MBD5: variants seen among roughly 807,000 people sequenced by gnomAD.
MBD5 encodes the protein methyl-CpG-binding domain protein 5.
A neutral mutation model predicts 117.3 loss-of-function variants in MBD5; 13 were observed. That is an observed-to-expected ratio of 0.11 (90% CI 0.07 to 0.18). MBD5 has a LOEUF of 0.18. Ranked by LOEUF, MBD5 falls within the 10% of genes least tolerant of loss-of-function variation. MBD5 has a pLI of 1.00. For missense variants in MBD5, 1,879 were observed against 2,093.8 expected (o/e 0.90, Z 2.00); for synonymous variants, 727 against 766.4 (o/e 0.95, Z 0.85).
intron 4 of MBD5, among the ~76,000 whole-genome samples, chr2:148,403,185 CT>C (rs35320980): frequency 0.74 from 106,629 of 144,452 alleles, 39,469 homozygotes; most frequent in African/African-American, 0.87. Flanking sequence ...TAATGTTCTT[CT>C]TTTTTTTTTT....
chr2:148,452,317 G>T (rs1203534893), intron 4 of MBD5, among the ~76,000 whole-genome samples: 4 of 152,012 alleles, frequency 2.6e-5, no homozygotes, highest in Non-Finnish European at 5.9e-5. Flanking sequence ...GCAACAAAAG[G>T]AGACTCCCAT....
intron 2 of MBD5, among the ~76,000 whole-genome samples, chr2:148,219,748 A>G (rs1699638341): frequency 6.6e-6 from 1 of 152,172 alleles, no homozygotes; most frequent in Non-Finnish European, 1.5e-5. Flanking sequence ...AGAACAAAAA[A>G]CTGGGGAAAT....
At chr2:148,258,355 C>T (rs1387571330) in intron 3 of MBD5, among the ~76,000 whole-genome samples, 4 of 152,184 alleles carry the variant, frequency 2.6e-5, no homozygotes. Flanking sequence ...GACTCGCTTT[C>T]ATAACCCTCA....
At chr2:148,023,253 G>A (rs893150289) in intron 1 of MBD5, among the ~76,000 whole-genome samples, 2 of 151,754 alleles carry the variant, frequency 1.3e-5, no homozygotes, top group African/African-American at 4.8e-5. Flanking sequence ...AAGGATATTT[G>A]GCAAAAATAT....
rs1681251104 is a variant in MBD5 at position 148,483,936 on chromosome 2, AACC to A, written c.3348_3350del (p.Thr1122del). 1 of 1,550,524 alleles carries A rather than the reference AACC, an allele frequency of 6.4e-7. No individual in the cohort carries two copies. The highest frequency in any genetic ancestry group is 2.4e-5 in the East Asian group (1 of 40,916). Reference sequence around the variant, plus strand: ...TTTCCATAGCAACCTCCTCCCAGGCAACCACTACCACAACCACTACATCATCAG... The same window carrying A: ...TTTCCATAGCAACCTCCTCCCAGGCAACTACCACAACCACTACATCATCAG... On this transcript the variant is annotated inframe_deletion, in exon 9 of 14. Transcript: ENST00000642680.
intron 3 of MBD5, among the ~76,000 whole-genome samples, chr2:148,240,405 T>C (rs1284732932): frequency 7.7e-6 from 1 of 130,560 alleles, no homozygotes; most frequent in Admixed American, 8.7e-5. Flanking sequence ...ACCCTAGAAC[T>C]TAAAGTATAA....
intron 1 of MBD5, among the ~76,000 whole-genome samples, chr2:148,167,240 A>G (rs1032546185): frequency 2.6e-5 from 4 of 152,188 alleles, no homozygotes; most frequent in Non-Finnish European, 4.4e-5. Flanking sequence ...CTATAAATTA[A>G]TTCAAATATA....
At chr2:148,370,108 T>C (rs892239037) in intron 4 of MBD5, among the ~76,000 whole-genome samples, 4 of 152,180 alleles carry the variant, frequency 2.6e-5, no homozygotes, top group Non-Finnish European at 5.9e-5. Context: ...CATATTAAAT[T>C]GAGAAACATG....
At chr2:148,450,606 C>T (rs1706698815) in intron 4 of MBD5, among the ~76,000 whole-genome samples, 1 of 152,114 alleles carries the variant, frequency 6.6e-6, no homozygotes, top group Non-Finnish European at 1.5e-5. Flanking sequence ...AGATTGTTCA[C>T]ATGATGATGG....
chr2:148,328,515 C>T (rs544899323), intron 3 of MBD5, among the ~76,000 whole-genome samples: 43 of 152,326 alleles, frequency 2.8e-4, no homozygotes, highest in South Asian at 1.0e-3. Context: ...TAGGACCCTC[C>T]GACCCAGGTG....
intron 11 of MBD5, among the ~76,000 whole-genome samples, chr2:148,498,482 T>C (rs1681770130): frequency 6.6e-6 from 1 of 152,154 alleles, no homozygotes. Context: ...GGATTACAGA[T>C]GCCTGCCACC....
intron 1 of MBD5, among the ~76,000 whole-genome samples, chr2:148,058,630 A>C (rs977554944): frequency 1.6e-4 from 24 of 152,096 alleles, no homozygotes; most frequent in African/African-American, 5.8e-4. Flanking sequence ...CATTAAAAAT[A>C]ATTGAGCAAA....
chr2:148,072,843 A>T lies in MBD5; in HGVS notation c.-925+51159A>T, dbSNP rs867793069. ...TTCTTTTCAACAGTGGTAAATGTTT[A>T]TGAATCTTTCCAATAAGCTTTCTAA... On this transcript the variant is annotated intron_variant, in intron 1 of 13. Coordinates refer to ENST00000642680, the MANE Select transcript of MBD5 (RefSeq NM_001378120.1). Among the ~76,000 whole-genome samples, 7 of 152,318 alleles carry T rather than the reference A, an allele frequency of 4.6e-5. No individual in the cohort carries two copies. The South Asian group carries it at 8.3e-4, about 18-fold the overall frequency.
intron 1 of MBD5, among the ~76,000 whole-genome samples, chr2:148,022,775 T>A (rs955155817): frequency 6.6e-6 from 1 of 152,188 alleles, no homozygotes; most frequent in African/African-American, 2.4e-5. Flanking sequence ...CATGAACTTA[T>A]AGTTAGTATA....
intron 3 of MBD5, among the ~76,000 whole-genome samples, chr2:148,299,416 C>T (rs1701731199): frequency 8.0e-6 from 1 of 124,506 alleles, no homozygotes; most frequent in Admixed American, 9.2e-5. Flanking sequence ...GAATGAGCCA[C>T]CATGCCTGGC....
chr2:148,207,453 G>GAC (rs1553484857), intron 2 of MBD5, among the ~76,000 whole-genome samples: 1 of 83,132 alleles, frequency 1.2e-5, no homozygotes, highest in Non-Finnish European at 3.2e-5. Context: ...AAAAAAAAAG[G>GAC]ACAAAAAAAA....
At chr2:148,058,656 A>G (rs1694941387) in intron 1 of MBD5, among the ~76,000 whole-genome samples, 1 of 152,038 alleles carries the variant, frequency 6.6e-6, no homozygotes, top group Admixed American at 6.5e-5. Flanking sequence ...ATAAAGTTTG[A>G]TTCTATCTCC....
intron 1 of MBD5, among the ~76,000 whole-genome samples, chr2:148,116,865 T>G (rs1284046232): frequency 1.3e-5 from 2 of 152,340 alleles, no homozygotes; most frequent in East Asian, 3.9e-4. Context: ...CTGCAGCACA[T>G]AGGTAAGTCT....
chr2:148,408,625 C>A (rs1321116379), intron 4 of MBD5, among the ~76,000 whole-genome samples: 1 of 151,986 alleles, frequency 6.6e-6, no homozygotes, highest in Non-Finnish European at 1.5e-5. Flanking sequence ...ACATTAACAT[C>A]CATGTTAATG....
Sources: allele counts gnomAD v4.1 joint callset (sites outside exome capture counted in the v4.1 genomes callset), GRCh38; gene constraint gnomAD v4.1.1; transcripts MANE v1.5; gene names NCBI Gene and HGNC (gene_info 2026-07-23, HGNC 2026-07-21).